Variants in MIEF1 observed in about 807,000 individuals in gnomAD.
MIEF1 encodes mitochondrial elongation factor 1.
A neutral mutation model predicts 35.1 loss-of-function variants in MIEF1; 14 were observed. The ratio of observed to expected loss-of-function variants is 0.40; its 90% confidence interval spans 0.26 to 0.62. MIEF1 has a LOEUF of 0.62. Ranked by LOEUF, MIEF1 falls within the 20% of genes least tolerant of loss-of-function variation. The pLI is 0.43. For missense variants in MIEF1, 542 were observed against 615.4 expected, an observed-to-expected ratio of 0.88 and a Z score of 1.26; for synonymous variants, 245 against 254.3, an observed-to-expected ratio of 0.96 and a Z score of 0.35.
At chr22:39,508,015 G>C (rs1276023637) in intron 2 of MIEF1, among the ~76,000 whole-genome samples, 5 of 152,188 alleles carry the variant, frequency 3.3e-5, no homozygotes, top group Non-Finnish European at 7.3e-5. Flanking sequence ...CCTTTGTCCT[G>C]TGGATGGAAA....
At chr22:39,511,583 A>C (rs1930342514) in intron 3 of MIEF1, 145 bp downstream of exon 3, 2 of 1,287,920 alleles carry the variant, frequency 1.6e-6, no homozygotes, top group Non-Finnish European at 2.1e-6. Flanking sequence ...AAGTATGTAT[A>C]GAGTGATCGT....
chr22:39,512,515 G>T, intron 5 of MIEF1, 21 bp downstream of exon 5: 1 of 1,593,986 alleles, frequency 6.3e-7, no homozygotes. Context: ...GGTTCTCATG[G>T]TGGGTGGGGT....
chr22:39,500,413 A>T (rs1304675818), upstream of MIEF1: 1 of 151,822 alleles, frequency 6.6e-6, no homozygotes, highest in African/African-American at 2.4e-5. Context: ...AGACCCCTCC[A>T]AATGACCTCC....
chr22:39,505,547 C>G (rs1352338351), intron 2 of MIEF1, among the ~76,000 whole-genome samples: 1 of 152,128 alleles, frequency 6.6e-6, no homozygotes, highest in South Asian at 2.1e-4. Flanking sequence ...GCATGGTACC[C>G]CTGTAAGGCA....
At chr22:39,500,356 T>A (rs1195054588), upstream of MIEF1, 1 of 151,808 alleles carries the variant, frequency 6.6e-6, no homozygotes. Context: ...TAAGTAAAGA[T>A]AAGACCCTGA....
In MIEF1 at chr22:39,504,342, G is replaced by A. The variant is rs1349835505; in HGVS notation, c.-200G>A. 2.5e-6 allele frequency: 1 copy of A among 398,906 alleles called. No homozygotes were observed. 24.7% of individuals were successfully genotyped at this position (398,906 alleles called of 1,614,324 possible). ...CTTCTACTTTGCCTCCATCCGCCGT[G>A]AATTCCGAAAAAATCAGAAGCTAGA... is the stretch of plus-strand genomic sequence containing the variant. On this transcript the variant is annotated 5_prime_UTR_variant, in exon 2 of 6. Coordinates refer to ENST00000325301, the MANE Select transcript of MIEF1 (RefSeq NM_019008.6).
At position 39,512,424 on chromosome 22, in the gene MIEF1, T is replaced by C. The variant is rs1327908517; in HGVS notation, c.515T>C (p.Leu172Pro). ...VDICAELRSFLRAKLPDMPLR... is the reference protein window; with the variant it reads ...VDICAELRSFPRAKLPDMPLR... ...ATATGTGCCGAGCTCCGGAGCTTCC[T>C]GCGGGCCAAGTTGCCTGACATGCCG... The change falls in exon 5 of 6, where the codon CTG becomes CCG. Residue 172 changes from leucine to proline, a missense_variant. Physicochemically the swap from Leu to Pro is moderately conservative, Grantham distance 98. Transcript: ENST00000325301. 14 of 1,614,032 alleles carry C rather than the reference T, an allele frequency of 8.7e-6. No individual in the cohort carries two copies. Among genetic ancestry groups the C allele is most frequent in the Non-Finnish European group, 1.2e-5 (14 of 1,180,020 alleles).
chr22:39,511,385 C>G lies in MIEF1; in HGVS notation c.91C>G (p.Leu31Val). Residue 31 changes from leucine (L) to valine (V), a missense_variant, in exon 3 of 6, where the codon CTG (leucine) becomes GTG (valine). Coordinates refer to ENST00000325301, the MANE Select transcript of MIEF1 (RefSeq NM_019008.6). Reference protein sequence around the residue: ...DFVLSNARLVLGVGGAAMLGI... With the variant: ...DFVLSNARLVVGVGGAAMLGI... ...TGTGCTCTCCAATGCCCGGCTGGTG[C>G]TGGGGGTGGGTGGAGCGGCCATGCT... is the stretch of plus-strand genomic sequence containing the variant. 1 of 1,610,258 alleles carries G rather than the reference C, an allele frequency of 6.2e-7. No individual in the cohort carries two copies. Among genetic ancestry groups the G allele is most frequent in the Non-Finnish European group, 8.5e-7 (1 of 1,177,768 alleles).
rs1601749530 is a variant in MIEF1 at position 39,511,873 on chromosome 22, C to T, written c.169C>T (p.Pro57Ser). Residue 57 changes from proline (P) to serine (S), a missense_variant, in exon 4 of 6, where the codon CCT (proline) becomes TCT (serine). Physicochemically the swap from Pro to Ser is moderately conservative, Grantham distance 74. Coordinates refer to ENST00000325301, the MANE Select transcript of MIEF1 (RefSeq NM_019008.6). ...KRMYDRAISA[P>S]TSPTRLSHSG... ...GATGTACGATCGGGCGATCAGTGCC[C>T]CTACCAGCCCCACCCGCCTGAGCCA... 1.2e-6 allele frequency: 2 copies of T among 1,613,942 alleles called. No homozygotes were observed. The highest frequency in any genetic ancestry group is 1.7e-6 in the Non-Finnish European group (2 of 1,179,870).
chr22:39,507,273 C>G (rs555917749), intron 2 of MIEF1, among the ~76,000 whole-genome samples: 47 of 151,982 alleles, frequency 3.1e-4, no homozygotes, highest in Non-Finnish European at 5.3e-4. Context: ...GAGATGGAGT[C>G]TTGCTCTGTC....
chr22:39,509,954 G>C (rs766817142), intron 2 of MIEF1, among the ~76,000 whole-genome samples: 1 of 152,130 alleles, frequency 6.6e-6, no homozygotes, highest in Non-Finnish European at 1.5e-5. Flanking sequence ...GGAGATGACT[G>C]TGTCGTTTTG....
rs1274296880 is a variant in MIEF1 at position 39,502,419 on chromosome 22, T to G, written c.-358T>G. On this transcript the variant is annotated 5_prime_UTR_variant, in exon 1 of 6. It removes the in-frame stop codon of an upstream open reading frame in the 5' UTR. Transcript: ENST00000325301. ...GCCAGAGGCGAGTCCTGCGGAGTGG[T>G]AGCGCGCACGGCCTGCGGGTGAGTG... 6.6e-6 allele frequency: 1 copy of G among 152,258 alleles called. No individual in the cohort carries two copies. The highest frequency in any genetic ancestry group is 2.4e-5 in the African/African-American group (1 of 41,428). The allele number at this position is 152,258 out of a possible 1,614,324, so 9.4% of individuals were successfully genotyped here.
upstream of MIEF1, among the ~76,000 whole-genome samples, chr22:39,500,918 A>G (rs1929669396): frequency 6.6e-6 from 1 of 151,090 alleles, no homozygotes; most frequent in Non-Finnish European, 1.5e-5. Context: ...CTGGTCTCGA[A>G]CTCCTGACCT....
At position 39,517,450 on chromosome 22, in the gene MIEF1, A is replaced by G. The variant is rs768605863; in HGVS notation, c.*3127A>G. Reference sequence around the variant, plus strand: ...GGTCCCGGCCACCTGTCCATATTCCACATTTGCTGACTGTGCTCCCTGCAC... The same window carrying G: ...GGTCCCGGCCACCTGTCCATATTCCGCATTTGCTGACTGTGCTCCCTGCAC... On this transcript the variant is annotated 3_prime_UTR_variant, in exon 6 of 6. Transcript: ENST00000325301. The G allele has an allele frequency of 2.3e-5, 10 of 440,838 alleles. No individual in the cohort carries two copies. Among genetic ancestry groups the G allele is most frequent in the Non-Finnish European group, 4.3e-5 (9 of 210,502 alleles). The allele number at this position is 440,838 out of a possible 1,614,324, so 27.3% of individuals were successfully genotyped here.
upstream of MIEF1, among the ~76,000 whole-genome samples, chr22:39,501,194 G>T (rs2145736538): frequency 6.6e-6 from 1 of 152,220 alleles, no homozygotes; most frequent in African/African-American, 2.4e-5. Context: ...CCCAGCTCCT[G>T]CTCACTCAGC....
At chr22:39,504,952 TAGGAGGCCAAGGC>T (rs934225095) in intron 2 of MIEF1, among the ~76,000 whole-genome samples, 1 of 151,988 alleles carries the variant, frequency 6.6e-6, no homozygotes, top group African/African-American at 2.4e-5. Context: ...CCCACCACTT[TAGGAGGCCAAGGC>T]AGGAGGATCA....
chr22:39,512,516 TG>T, intron 5 of MIEF1, 22 bp downstream of exon 5: 1 of 1,593,286 alleles, frequency 6.3e-7, no homozygotes, highest in South Asian at 1.1e-5. Flanking sequence ...GTTCTCATGG[TG>T]GGTGGGGTTT....
intron 2 of MIEF1, among the ~76,000 whole-genome samples, chr22:39,509,969 C>T (rs532022813): frequency 4.6e-5 from 7 of 151,898 alleles, no homozygotes; most frequent in South Asian, 4.2e-4. Context: ...GTTTTGTTTT[C>T]GTTTTTGAGA....
At chr22:39,509,066 TGCCTTGGCCTCCC>T (rs1930196977) in intron 2 of MIEF1, among the ~76,000 whole-genome samples, 1 of 152,096 alleles carries the variant, frequency 6.6e-6, no homozygotes, top group African/African-American at 2.4e-5. Flanking sequence ...GTGATTCTCC[TGCCTTGGCCTCCC>T]GAGTAGCTGG....
Sources: gnomAD v4.1 joint callset for allele counts (sites outside exome capture counted in the v4.1 genomes callset) on GRCh38, gnomAD v4.1.1 for gene constraint, MANE v1.5 for transcripts, NCBI Gene and HGNC (gene_info 2026-07-23, HGNC 2026-07-21) for gene names.